The following KRT20 variants were observed in gnomAD, a reference collection of about 807,000 sequenced individuals.
KRT20 encodes keratin, type I cytoskeletal 20.
KRT20 carries 41 observed loss-of-function variants against 43.0 expected under a neutral mutation model. That is an observed-to-expected ratio of 0.95 (90% CI 0.74 to 1.24). The LOEUF (loss-of-function observed/expected upper bound fraction) is 1.24. KRT20 is among the 50% of genes most tolerant of loss of function. KRT20 has a pLI of 0.00. For missense variants in KRT20, 533 were observed against 521.2 expected (o/e 1.02, Z -0.22); for synonymous variants, 207 against 200.6 (o/e 1.03, Z -0.27).
rs1009753958 is a variant in KRT20 at position 40,876,160 on chromosome 17, A to G, written c.*201T>C. On this transcript the variant is annotated 3_prime_UTR_variant, in exon 8 of 8. Coordinates refer to ENST00000167588, the MANE Select transcript of KRT20 (RefSeq NM_019010.3). ...AGTGCTCACTGGATTTCATTTTTGC[A>G]GGCAATTTGCAGCTCCTCTGAGTAA... The G allele has an allele frequency of 2.3e-6, 1 of 431,342 alleles. No homozygotes were observed. 26.7% of individuals were successfully genotyped at this position (431,342 alleles called of 1,614,324 possible).
rs370965611 is a variant in KRT20 at position 40,878,376 on chromosome 17, A to C, written c.919-11T>G. 2.1e-5 allele frequency: 33 copies of C among 1,601,964 alleles called. No individual in the cohort carries two copies. Among genetic ancestry groups the C allele is most frequent in the Non-Finnish European group, 2.4e-5 (28 of 1,170,052 alleles). On this transcript the variant is annotated splice_polypyrimidine_tract_variant and intron_variant, in intron 5 of 7. Transcript: ENST00000167588. ...CTCCAAAGACTCTTTCTATGAGCAC[A>C]AGAAAAATAGGGCACTTCTTATGTG...
chr17:40,883,155 A>G (rs556997068), intron 1 of KRT20, among the ~76,000 whole-genome samples: 1 of 152,368 alleles, frequency 6.6e-6, no homozygotes, highest in South Asian at 2.1e-4. Context: ...TATTTAACAT[A>G]ACAGAGTCAT....
At chr17:40,878,403 G>T (rs913148685) in intron 5 of KRT20, 38 bp from the exon 6 acceptor site, 3 of 1,461,878 alleles carry the variant, frequency 2.1e-6, no homozygotes, top group Non-Finnish European at 2.9e-6. Context: ...TCTTATGTGA[G>T]GACTTGATTC....
rs1309074473 is a variant in KRT20, at chr17:40,884,828, A to G, written c.358T>C (p.Tyr120His). 4 of 1,614,156 alleles carry G rather than the reference A, an allele frequency of 2.5e-6. No homozygotes were observed. Among genetic ancestry groups the G allele is most frequent in the Admixed American group, 3.3e-5 (2 of 60,020 alleles). ...CGCAGCTCTTCAATTTGTCTGTAAT[A>G]TGCACTGTAGTCGCGACCAGCCCTC... is the stretch of plus-strand genomic sequence containing the variant. ...APRAGRDYSA[Y>H]YRQIEELRSQ... Residue 120 changes from tyrosine (Y) to histidine (H), a missense_variant, in exon 1 of 8, where the codon TAT becomes CAT. By Grantham distance (83) the Tyr-to-His change is moderately conservative (BLOSUM62 2). Transcript: ENST00000167588.
chr17:40,885,165 G>T lies in KRT20; in HGVS notation c.21C>A (p.Ser7Arg). Residue 7 changes from serine to arginine, a missense_variant, in exon 1 of 8, where the codon AGC becomes AGA. Coordinates refer to ENST00000167588, the MANE Select transcript of KRT20 (RefSeq NM_019010.3). ...AGGAGGAGCTCAGGCTTCTGTGGAA[G>T]CTTCTGCGACTGAAATCCATTGGAG... is the stretch of plus-strand genomic sequence containing the variant. MDFSRRSFHRSLSSSLQ... is the reference protein window; with the variant it reads MDFSRRRFHRSLSSSLQ... The T allele has an allele frequency of 6.2e-7, 1 of 1,603,786 alleles. No homozygotes were observed.
In KRT20 at chr17:40,885,093, C is replaced by A. The variant is rs762213337; in HGVS notation, c.93G>T (p.Thr31=). The A allele has an allele frequency of 1.2e-6, 2 of 1,614,034 alleles. No homozygotes were observed. The highest frequency in any genetic ancestry group is 2.2e-5 in the East Asian group (1 of 44,876). The stretch of plus-strand genomic sequence containing the variant: ...CAGCACCCCCATAAACGCTGGGTGT[C>A]GTCCCGAGGCGCTGCATGCCCACTG... ...VSTVGMQRLG[T]TPSVYGGAGG... is the part of the protein sequence containing the mutation. Residue 31 remains threonine (T), a synonymous_variant, in exon 1 of 8, where the codon ACG becomes ACT. Transcript: ENST00000167588.
In KRT20 at chr17:40,882,574, C is replaced by T. The variant is rs182881104; in HGVS notation, c.471G>A (p.Leu157=). 7 of 1,552,684 alleles carry T rather than the reference C, an allele frequency of 4.5e-6. No homozygotes were observed. The highest frequency in any genetic ancestry group is 1.9e-5 in the Admixed American group (1 of 53,240). Residue 157 remains leucine, a splice_region_variant and synonymous_variant, in exon 2 of 8, where the codon CTG becomes CTA. Coordinates refer to ENST00000167588, the MANE Select transcript of KRT20 (RefSeq NM_019010.3). ...TTGCCACGTATTAGGGAACCTACTTCAGTCTGAAGTCCTCAGCAGCCAGTT... is the reference window on the plus strand; with the variant it reads ...TTGCCACGTATTAGGGAACCTACTTTAGTCTGAAGTCCTCAGCAGCCAGTT... The part of the protein sequence containing the change: ...NAKLAAEDFR[L]KYETERGIRL...
rs1907655177 is a variant in KRT20, at chr17:40,882,722, TTTA to T, written c.391-71_391-69del. The T allele has an allele frequency of 7.9e-6, 5 of 635,968 alleles. No individual in the cohort carries two copies. In the East Asian group the frequency reaches 3.5e-4, roughly 44 times the overall value. The allele number at this position is 635,968 out of a possible 1,614,324, so 39.4% of individuals were successfully genotyped here. On this transcript the variant is annotated intron_variant, in intron 1 of 7. Transcript: ENST00000167588. ...ATTTATTTATTTATTTATTTATTTA[TTTA>T]TTGAGACAGAATCTTGCTCTGTTGC... is the stretch of plus-strand genomic sequence containing the variant.
rs1199697980 is a variant in KRT20, at chr17:40,878,304, T to C, written c.980A>G (p.Asn327Ser). The C allele has an allele frequency of 6.2e-7, 1 of 1,614,096 alleles. No homozygotes were observed. The highest frequency in any genetic ancestry group is 8.5e-7 in the Non-Finnish European group (1 of 1,180,020). ...CAGAGAGCTCAACAGCGACTGGAGG[T>C]TGGCTAACTGGCTGCTGTAACGGGC... is the stretch of plus-strand genomic sequence containing the variant. ...TKARYSSQLANLQSLLSSLEA... is the reference protein window; with the variant it reads ...TKARYSSQLASLQSLLSSLEA... Residue 327 changes from asparagine to serine, a missense_variant, in exon 6 of 8, where the codon AAC becomes AGC. By Grantham distance (46) the Asn-to-Ser change is conservative. Transcript: ENST00000167588.
At chr17:40,877,216 G>A (rs1250534011) in intron 7 of KRT20, among the ~76,000 whole-genome samples, 164 bp downstream of exon 7, 2 of 152,162 alleles carry the variant, frequency 1.3e-5, no homozygotes, top group Non-Finnish European at 2.9e-5. Context: ...CCAGAACTGT[G>A]AGCCAAGTAA....
At position 40,878,336 on chromosome 17, in the gene KRT20, C is replaced by G. The variant is rs950982300; in HGVS notation, c.948G>C (p.Glu316Asp). ...ACTGGCTGCTGTAACGGGCCTTGGT[C>G]TCCTCTAGAGTGTGCTCCAAAGACT... ...MKESLEHTLE[E>D]TKARYSSQLA... Residue 316 changes from glutamate to aspartate, a missense_variant, in exon 6 of 8, where the codon GAG becomes GAC. Transcript: ENST00000167588. 1 of 1,614,160 alleles carries G rather than the reference C, an allele frequency of 6.2e-7. No homozygotes were observed.
chr17:40,880,976 TG>T (rs1448538866), intron 2 of KRT20, among the ~76,000 whole-genome samples: 1 of 152,212 alleles, frequency 6.6e-6, no homozygotes, highest in East Asian at 1.9e-4. Flanking sequence ...CTCTATAATT[TG>T]GGGTGACTGG....
chr17:40,878,393 T>TG lies in KRT20; in HGVS notation c.919-29_919-28insC, dbSNP rs758311753. On this transcript the variant is annotated intron_variant, in intron 5 of 7. Coordinates refer to ENST00000167588, the MANE Select transcript of KRT20 (RefSeq NM_019010.3). ...ATGAGCACAAGAAAAATAGGGCACTTCTTATGTGAGGACTTGATTCAAGAG... is the reference window on the plus strand; with the variant it reads ...ATGAGCACAAGAAAAATAGGGCACTTGCTTATGTGAGGACTTGATTCAAGAG... 7.2e-6 allele frequency: 11 copies of TG among 1,536,356 alleles called. No individual in the cohort carries two copies. In the Admixed American group the frequency reaches 1.4e-4, roughly 19 times the overall value.
At position 40,876,341 on chromosome 17, in the gene KRT20, C is replaced by T. The variant is rs762420463; in HGVS notation, c.*20G>A. 1 of 1,508,242 alleles carries T rather than the reference C, an allele frequency of 6.6e-7. No individual in the cohort carries two copies. Among genetic ancestry groups the T allele is most frequent in the African/African-American group, 1.4e-5 (1 of 72,886 alleles). 93.4% of individuals were successfully genotyped at this position (1,508,242 alleles called of 1,614,324 possible). Reference sequence around the variant, plus strand: ...CAAATTTCTTTCAAAACCTCAGCAGCATCTCCTTCTGGTAGCTATTTAGAT... The same window carrying T: ...CAAATTTCTTTCAAAACCTCAGCAGTATCTCCTTCTGGTAGCTATTTAGAT... On this transcript the variant is annotated 3_prime_UTR_variant, in exon 8 of 8. Transcript: ENST00000167588.
At position 40,884,816 on chromosome 17, in the gene KRT20, T is replaced by C. The variant is rs1322119138; in HGVS notation, c.370A>G (p.Ile124Val). 3.1e-6 allele frequency: 5 copies of C among 1,612,680 alleles called. No individual in the cohort carries two copies. In the African/African-American group the frequency reaches 4.0e-5, roughly 13 times the overall value. Reference sequence around the variant, plus strand: ...CTCACCTGACTTCGCAGCTCTTCAATTTGTCTGTAATATGCACTGTAGTCG... The same window carrying C: ...CTCACCTGACTTCGCAGCTCTTCAACTTGTCTGTAATATGCACTGTAGTCG... ...GRDYSAYYRQ[I>V]EELRSQIKDA... Residue 124 changes from isoleucine (I) to valine (V), a missense_variant, in exon 1 of 8, where the codon ATT (isoleucine) becomes GTT (valine). Transcript: ENST00000167588.
At chr17:40,883,879 C>G (rs564356805) in intron 1 of KRT20, among the ~76,000 whole-genome samples, 2 of 152,230 alleles carry the variant, frequency 1.3e-5, no homozygotes, top group Non-Finnish European at 2.9e-5. Flanking sequence ...TCCAAAGTAA[C>G]TTCCCATGGA....
At position 40,885,123 on chromosome 17, in the gene KRT20, G is replaced by T. The variant is rs752531157; in HGVS notation, c.63C>A (p.Val21=). ...SLSSSLQAPV[V]STVGMQRLGT... is the part of the protein sequence containing the mutation. The stretch of plus-strand genomic sequence containing the variant: ...CGAGGCGCTGCATGCCCACTGTACT[G>T]ACTACAGGGGCCTGCAAGGAGGAGC... Residue 21 remains valine (V), a synonymous_variant, in exon 1 of 8, where the codon GTC becomes GTA. Coordinates refer to ENST00000167588, the MANE Select transcript of KRT20 (RefSeq NM_019010.3). The T allele has an allele frequency of 6.2e-7, 1 of 1,613,306 alleles. No homozygotes were observed. The highest frequency in any genetic ancestry group is 8.5e-7 in the Non-Finnish European group (1 of 1,179,840).
rs756264343 is a variant in KRT20 at position 40,884,779 on chromosome 17, C to G, written c.390+17G>C. On this transcript the variant is annotated intron_variant, in intron 1 of 7. Coordinates refer to ENST00000167588, the MANE Select transcript of KRT20 (RefSeq NM_019010.3). ...GAAGCTAAACACAGAGTAGGAAACA[C>G]AAGCATCATCTCTCACCTGACTTCG... The G allele has an allele frequency of 6.2e-6, 10 of 1,601,638 alleles. No homozygotes were observed. Among genetic ancestry groups the G allele is most frequent in the Non-Finnish European group, 7.7e-6 (9 of 1,172,328 alleles).
chr17:40,879,996 C>G (rs1907526378), intron 4 of KRT20, 58 bp from the exon 5 acceptor site: 2 of 1,599,810 alleles, frequency 1.3e-6, no homozygotes, highest in Non-Finnish European at 1.7e-6. Flanking sequence ...AAAGAAAAGA[C>G]AGAAAGAGAA....
Sources: allele counts gnomAD v4.1 joint callset (sites outside exome capture counted in the v4.1 genomes callset), GRCh38; gene constraint gnomAD v4.1.1; transcripts MANE v1.5; gene names NCBI Gene and HGNC (gene_info 2026-07-23, HGNC 2026-07-21).